Variants in PLG observed in about 807,000 individuals in gnomAD.
The protein encoded by PLG is plasmin.
In PLG, 41 loss-of-function variants were observed where a neutral mutation model predicts 104.4. That is an observed-to-expected ratio of 0.39 (90% CI 0.31 to 0.51). PLG has a LOEUF of 0.51. Ranked by LOEUF, PLG falls within the 20% of genes least tolerant of loss-of-function variation. The pLI, the probability that PLG is intolerant of heterozygous loss-of-function variation, is 0.76. For missense variants in PLG, 891 were observed against 1,003.6 expected, an observed-to-expected ratio of 0.89 and a Z score of 1.52; for synonymous variants, 337 against 357.1, an observed-to-expected ratio of 0.94 and a Z score of 0.63.
rs1160237179 is a variant in PLG, at chr6:160,752,013, A to G, written c.2126-102A>G. ...CATTGGGAGCTGCCTCGTGTTCTGC[A>G]GCCTCACAGACAGGAGGTCCAGTGC... On this transcript the variant is annotated intron_variant, in intron 17 of 18. Coordinates refer to ENST00000308192, the MANE Select transcript of PLG (RefSeq NM_000301.5). This position sits in a 1 kb window ranked among gnomAD's most constrained non-coding sequence, Gnocchi z 4.7. 2 of 989,212 alleles carry G rather than the reference A, an allele frequency of 2.0e-6. No homozygotes were observed. Among genetic ancestry groups the G allele is most frequent in the Non-Finnish European group, 3.2e-6 (2 of 621,374 alleles). The allele number at this position is 989,212 out of a possible 1,614,324, so 61.3% of individuals were successfully genotyped here.
At position 160,749,568 on chromosome 6, in the gene PLG, C is replaced by T. The variant is rs1276596387; in HGVS notation, c.2126-2547C>T. Among the ~76,000 whole-genome samples the T allele has an allele frequency of 8.1e-5, 12 of 149,032 alleles. 1 individual carries two copies. The highest frequency in any genetic ancestry group is 6.7e-4 in the Admixed American group (10 of 14,974). On this transcript the variant is annotated intron_variant, in intron 17 of 18. Coordinates refer to ENST00000308192, the MANE Select transcript of PLG (RefSeq NM_000301.5). ...CACCACCATCACCATCATTATCAAC[C>T]ATCATCACCACCATTCCACCACCAT...
At chr6:160,707,006 T>C (rs1777540028) in intron 2 of PLG, among the ~76,000 whole-genome samples, 2 of 151,032 alleles carry the variant, frequency 1.3e-5, no homozygotes, top group South Asian at 4.2e-4. Flanking sequence ...ATGCATGCTC[T>C]ACCCAGATCC....
Position 160,741,469 on chromosome 6 carries a change from A to G in PLG, c.2125+52A>G, listed in dbSNP as rs1262531460. 1 of 989,168 alleles carries G rather than the reference A, an allele frequency of 1.0e-6. No individual in the cohort carries two copies. Among genetic ancestry groups the G allele is most frequent in the African/African-American group, 1.6e-5 (1 of 63,192 alleles). The allele number at this position is 989,168 out of a possible 1,614,324, so 61.3% of individuals were successfully genotyped here. A position where few individuals can be genotyped will look rare whatever the true frequency, so the allele number is the denominator to read the frequency against. ...ACGAATTGGTTTTGACCTACAGTCC[A>G]TGTGACAAAATGATCATTTTGGAGA... On this transcript the variant is annotated intron_variant, in intron 17 of 18. Transcript: ENST00000308192. This position sits in a 1 kb window ranked among gnomAD's most constrained non-coding sequence, Gnocchi z 4.7.
At position 160,734,292 on chromosome 6, in the gene PLG, C is replaced by T. The variant is rs770763296; in HGVS notation, c.1681+204C>T. On this transcript the variant is annotated intron_variant, in intron 13 of 18. Transcript: ENST00000308192. The surrounding 1 kb of genome is among the most constrained non-coding windows in gnomAD (Gnocchi z 4.4). ...GAACACCTGCCCATCGCCCCAGGCA[C>T]ACATAAATAAAATAAATGTAAAATT... Among the ~76,000 whole-genome samples, 28 of 152,086 alleles carry T rather than the reference C, an allele frequency of 1.8e-4. No individual in the cohort carries two copies. Among genetic ancestry groups the T allele is most frequent in the Non-Finnish European group, 3.5e-4 (24 of 68,012 alleles).
At position 160,737,735 on chromosome 6, in the gene PLG, G is replaced by C. The variant is rs1394266309; in HGVS notation, c.1802+728G>C. On this transcript the variant is annotated intron_variant, in intron 14 of 18. Coordinates refer to ENST00000308192, the MANE Select transcript of PLG (RefSeq NM_000301.5). This position sits in a 1 kb window ranked among gnomAD's most constrained non-coding sequence, Gnocchi z 4.7. Reference sequence around the variant, plus strand: ...CTCAATTGCTGTTTTCCCCTAAAGAGACTCTTTTCCATAAGTTTGTGAAAT... The same window carrying C: ...CTCAATTGCTGTTTTCCCCTAAAGACACTCTTTTCCATAAGTTTGTGAAAT... 2.0e-5 allele frequency among the ~76,000 whole-genome samples: 3 copies of C among 152,162 alleles called. No individual in the cohort carries two copies. Among genetic ancestry groups the C allele is most frequent in the Non-Finnish European group, 4.4e-5 (3 of 68,044 alleles).
At position 160,737,187 on chromosome 6, in the gene PLG, C is replaced by T. The variant is rs1359147123; in HGVS notation, c.1802+180C>T. Among the ~76,000 whole-genome samples, 1 of 152,056 alleles carries T rather than the reference C, an allele frequency of 6.6e-6. No individual in the cohort carries two copies. The highest frequency in any genetic ancestry group is 1.9e-4 in the East Asian group (1 of 5,200). The stretch of plus-strand genomic sequence containing the variant: ...ATATACATATATATTTTTATAGGTT[C>T]TCTACTGTGAAAATGACAAAAATTG... On this transcript the variant is annotated intron_variant, in intron 14 of 18. Transcript: ENST00000308192. This position sits in a 1 kb window ranked among gnomAD's most constrained non-coding sequence, Gnocchi z 4.7.
At chr6:160,721,184 T>C (rs2115166019) in intron 9 of PLG, among the ~76,000 whole-genome samples, 1 of 152,344 alleles carries the variant, frequency 6.6e-6, no homozygotes, top group South Asian at 2.1e-4. Context: ...AATCTGATAG[T>C]TTCCAGATGG....
chr6:160,722,490 CA>C lies in PLG; in HGVS notation c.1180del (p.Thr394GlnfsTer11). ...ACCGAGGCACATCCTCCACCACCAC[CA>C]CAGGAAAGAAGTGTCAGTCTTGGTC... ...SYRGTSSTTT[T>X]GKKCQSWSSM... is the part of the protein sequence containing the mutation. On this transcript the variant is annotated frameshift_variant, in exon 10 of 19. Transcript: ENST00000308192. LOFTEE classifies it high-confidence loss of function. 1 of 1,613,536 alleles carries C rather than the reference CA, an allele frequency of 6.2e-7. No homozygotes were observed. Among genetic ancestry groups the C allele is most frequent in the Non-Finnish European group, 8.5e-7 (1 of 1,179,514 alleles).
rs1778239989 is a variant in PLG at position 160,744,098 on chromosome 6, A to G, written c.2125+2681A>G. Among the ~76,000 whole-genome samples the G allele has an allele frequency of 1.3e-5, 2 of 152,150 alleles. No individual in the cohort carries two copies. Among genetic ancestry groups the G allele is most frequent in the East Asian group, 1.9e-4 (1 of 5,196 alleles). On this transcript the variant is annotated intron_variant, in intron 17 of 18. Coordinates refer to ENST00000308192, the MANE Select transcript of PLG (RefSeq NM_000301.5). This position sits in a 1 kb window ranked among gnomAD's most constrained non-coding sequence, Gnocchi z 4.5. The stretch of plus-strand genomic sequence containing the variant: ...AAGGATTTTTGCATCAGTGTTCATC[A>G]AGGATATTGGCCTGAAGTTTTTTGT...
At chr6:160,748,009 A>G (rs1010270404) in intron 17 of PLG, among the ~76,000 whole-genome samples, 2 of 152,108 alleles carry the variant, frequency 1.3e-5, no homozygotes, top group Non-Finnish European at 2.9e-5. Context: ...GGACTTAGAA[A>G]AGTCATAAAC....
At chr6:160,708,218 G>A (rs1020835106) in intron 3 of PLG, 1 of 165,816 alleles carries the variant, frequency 6.0e-6, no homozygotes, top group African/African-American at 2.4e-5. Flanking sequence ...GAAATACTGA[G>A]GTGTTTTAAT....
At chr6:160,708,083 A>T in intron 3 of PLG, 2 of 324,064 alleles carry the variant, frequency 6.2e-6, no homozygotes, top group East Asian at 7.2e-5. Flanking sequence ...TAAGATTTTT[A>T]AAATATTATT....
chr6:160,727,755 A>C (rs1197381475), intron 10 of PLG, among the ~76,000 whole-genome samples: 2 of 152,010 alleles, frequency 1.3e-5, no homozygotes, highest in Non-Finnish European at 2.9e-5. Context: ...GTCTTAGCAA[A>C]CTATGAATAG....
intron 1 of PLG, chr6:160,705,251 A>T (rs1171581524): frequency 6.6e-6 from 1 of 152,332 alleles, no homozygotes; most frequent in Non-Finnish European, 1.5e-5. Flanking sequence ...GAGCTACCAA[A>T]GCTCAGCCAG....
Position 160,732,188 on chromosome 6 carries a change from C to T in PLG, c.1587+295C>T, listed in dbSNP as rs1472333143. The stretch of plus-strand genomic sequence containing the variant: ...CATTATTGGGGACTGTCTCTAGTTT[C>T]TAGTGTTTGTATGCTAGGTTCCAGT... On this transcript the variant is annotated intron_variant, in intron 12 of 18. Transcript: ENST00000308192. This position sits in a 1 kb window ranked among gnomAD's most constrained non-coding sequence, Gnocchi z 4.5. Among the ~76,000 whole-genome samples, 1 of 152,220 alleles carries T rather than the reference C, an allele frequency of 6.6e-6. No individual in the cohort carries two copies. The highest frequency in any genetic ancestry group is 1.5e-5 in the Non-Finnish European group (1 of 68,024).
At position 160,741,432 on chromosome 6, in the gene PLG, AT is replaced by A. The variant is rs1449304663; in HGVS notation, c.2125+17del. On this transcript the variant is annotated intron_variant, in intron 17 of 18. Transcript: ENST00000308192. This position sits in a 1 kb window ranked among gnomAD's most constrained non-coding sequence, Gnocchi z 4.7. ...AGAAACCCAAGGTGAGATAAATTCC[AT>A]TGCCCACATAACGAATTGGTTTTGA... 3 of 1,473,660 alleles carry A rather than the reference AT, an allele frequency of 2.0e-6. No homozygotes were observed. The highest frequency in any genetic ancestry group is 2.9e-6 in the Non-Finnish European group (3 of 1,051,854). The allele number at this position is 1,473,660 out of a possible 1,614,324, so 91.3% of individuals were successfully genotyped here. A position where few individuals can be genotyped will look rare whatever the true frequency, so the allele number is the denominator to read the frequency against.
intron 5 of PLG, chr6:160,713,349 C>T: frequency 4.1e-6 from 2 of 485,740 alleles, no homozygotes; most frequent in Non-Finnish European, 7.6e-6. Context: ...CGGCTCACCA[C>T]AACCTCCGCC....
Position 160,753,475 on chromosome 6 carries a change from C to T in PLG, c.*414C>T, listed in dbSNP as rs577562347. ...TCCACGCATTTACCTCATCAGCTAA[C>T]GAGGGCTTGACATGCATTTTTACTG... On this transcript the variant is annotated 3_prime_UTR_variant, in exon 19 of 19. Coordinates refer to ENST00000308192, the MANE Select transcript of PLG (RefSeq NM_000301.5). The surrounding 1 kb of genome is among the most constrained non-coding windows in gnomAD (Gnocchi z 5.4). 2.2e-4 allele frequency among the ~76,000 whole-genome samples: 33 copies of T among 152,242 alleles called. No individual in the cohort carries two copies. The highest frequency in any genetic ancestry group is 6.5e-4 in the African/African-American group (27 of 41,514).
chr6:160,736,993 C>G lies in PLG; in HGVS notation c.1788C>G (p.Val596=). Reference sequence around the variant, plus strand: ...ACCCACATTCCTGGCCCTGGCAAGTCAGTCTTAGAACAAGGTAAGAACAGG... The same window carrying G: ...ACCCACATTCCTGGCCCTGGCAAGTGAGTCTTAGAACAAGGTAAGAACAGG... ...VAHPHSWPWQ[V]SLRTRFGMHF... Residue 596 remains valine (V), a synonymous_variant, in exon 14 of 19, where the codon GTC becomes GTG. Coordinates refer to ENST00000308192, the MANE Select transcript of PLG (RefSeq NM_000301.5). This position sits in a 1 kb window ranked among gnomAD's most constrained non-coding sequence, Gnocchi z 5.2. The G allele has an allele frequency of 6.2e-7, 1 of 1,613,510 alleles. No individual in the cohort carries two copies. The highest frequency in any genetic ancestry group is 8.5e-7 in the Non-Finnish European group (1 of 1,179,894).
Sources: gnomAD v4.1 joint callset for allele counts (sites outside exome capture counted in the v4.1 genomes callset) on GRCh38, gnomAD v4.1.1 for gene constraint, Gnocchi (gnomAD v3.1) non-coding constraint, MANE v1.5 for transcripts, NCBI Gene and HGNC (gene_info 2026-07-23, HGNC 2026-07-21) for gene names.